The following UNC80 variants were observed in gnomAD, a reference collection of about 807,000 sequenced individuals.
UNC80 encodes protein unc-80 homolog.
A neutral mutation model predicts 384.6 loss-of-function variants in UNC80; 164 were observed. That is an observed-to-expected ratio of 0.43 (90% CI 0.38 to 0.49). UNC80 has a LOEUF of 0.49. Among genes scored for constraint, UNC80 ranks in the 20% least tolerant of loss-of-function variants. The probability of loss-of-function intolerance (pLI) is 0.00; values close to 1 mark genes in which losing one functional copy is unlikely to be tolerated. For synonymous variants in UNC80, 1,486 were observed against 1,527.8 expected, an observed-to-expected ratio of 0.97 and a Z score of 0.64; for missense variants, 3,330 against 4,143.0, an observed-to-expected ratio of 0.80 and a Z score of 5.39.
At chr2:209,835,709 TTCTG>T (rs2081290207) in intron 18 of UNC80, among the ~76,000 whole-genome samples, 1 of 152,204 alleles carries the variant, frequency 6.6e-6, no homozygotes, top group African/African-American at 2.4e-5. Flanking sequence ...AGGTATACCA[TTCTG>T]CTTCCCCAAA....
chr2:209,924,060 A>G (rs1421275525), intron 35 of UNC80, among the ~76,000 whole-genome samples: 1 of 152,122 alleles, frequency 6.6e-6, no homozygotes, highest in Non-Finnish European at 1.5e-5. Context: ...TAAAACATTT[A>G]TAATAGCTGA....
At chr2:209,951,087 T>A (rs1339834932) in intron 47 of UNC80, among the ~76,000 whole-genome samples, 1 of 152,048 alleles carries the variant, frequency 6.6e-6, no homozygotes, top group African/African-American at 2.4e-5. Flanking sequence ...GTGGGAGGAT[T>A]GCTTGAGCCC....
chr2:209,878,149 A>G, intron 24 of UNC80, 60 bp downstream of exon 24: 3 of 1,420,506 alleles, frequency 2.1e-6, no homozygotes, highest in Middle Eastern at 2.0e-4. Flanking sequence ...CTTTAGGAGC[A>G]CTTAATACTT....
chr2:209,828,398 A>G (rs138484906), intron 14 of UNC80, among the ~76,000 whole-genome samples: 15 of 152,310 alleles, frequency 9.8e-5, no homozygotes, highest in Middle Eastern at 3.4e-3. Flanking sequence ...TAAAGGAAAA[A>G]TGAAAAATGT....
chr2:209,956,280 A>G (rs898096501), intron 48 of UNC80, among the ~76,000 whole-genome samples: 13 of 82 alleles, frequency 0.16, no homozygotes, highest in Non-Finnish European at 0.21. Flanking sequence ...AATTGGCTTC[A>G]CTGTATTTAC....
At chr2:209,773,028 TCA>T (rs2076670200) in intron 1 of UNC80, 64 bp from the exon 2 acceptor site, 2 of 1,294,990 alleles carry the variant, frequency 1.5e-6, no homozygotes, top group Admixed American at 1.9e-5. Flanking sequence ...GAAAAATACG[TCA>T]CAAGGATGCT....
At chr2:209,866,251 T>A (rs1264499619) in intron 22 of UNC80, among the ~76,000 whole-genome samples, 1 of 152,152 alleles carries the variant, frequency 6.6e-6, no homozygotes, top group East Asian at 1.9e-4. Flanking sequence ...TGATAACCTC[T>A]CTTTCATATT....
chr2:209,931,432 C>A (rs1223547454), intron 38 of UNC80, among the ~76,000 whole-genome samples: 3 of 144,144 alleles, frequency 2.1e-5, no homozygotes, highest in Non-Finnish European at 3.0e-5. Flanking sequence ...CAACTGTTGT[C>A]CTAGATGGAA....
At chr2:209,832,341 C>G (rs528430740) in intron 16 of UNC80, among the ~76,000 whole-genome samples, 5 of 152,134 alleles carry the variant, frequency 3.3e-5, no homozygotes, top group Admixed American at 2.0e-4. Flanking sequence ...TAATTACCAC[C>G]AAGAAGATTG....
chr2:209,837,147 G>A (rs539331432), intron 18 of UNC80, among the ~76,000 whole-genome samples: 8 of 152,272 alleles, frequency 5.3e-5, no homozygotes, highest in Non-Finnish European at 1.2e-4. Context: ...ACTCTGATGA[G>A]ATTTTAAGAA....
Position 209,829,241 on chromosome 2 carries a change from T to G in UNC80, c.2488T>G (p.Cys830Gly), listed in dbSNP as rs1208016510. ...HQVFRENAQN[C>G]LTKLYKLDKM... is the part of the protein sequence containing the mutation. ...TCTTCCTTCATTGCAGGCCCAGAAC[T>G]GCCTCACTAAGCTATACAAGCTAGA... Residue 830 changes from cysteine (C) to glycine (G), a missense_variant, in exon 15 of 65, where the codon TGC becomes GGC. Physicochemically the swap from Cys to Gly is radical, Grantham distance 159. Around this residue, in one of 8 missense-constraint regions of UNC80, gnomAD observed 937 missense variants for 1,026.8 expected, o/e 0.91. Coordinates refer to ENST00000673920, the MANE Select transcript of UNC80 (RefSeq NM_001371986.1). 6.4e-7 allele frequency: 1 copy of G among 1,551,268 alleles called. No homozygotes were observed. Among genetic ancestry groups the G allele is most frequent in the Admixed American group, 2.0e-5 (1 of 50,992 alleles).
chr2:209,870,557 C>CT (rs1267349895), intron 22 of UNC80, among the ~76,000 whole-genome samples: 4 of 152,106 alleles, frequency 2.6e-5, no homozygotes, highest in Non-Finnish European at 5.9e-5. Flanking sequence ...TAGTATCCAC[C>CT]TTTTGTTAAG....
intron 38 of UNC80, among the ~76,000 whole-genome samples, chr2:209,931,635 A>G (rs1431385525): frequency 6.6e-6 from 1 of 152,208 alleles, no homozygotes; most frequent in African/African-American, 2.4e-5. Context: ...GCAGACAAAT[A>G]GCCAAATTAA....
At chr2:209,952,688 A>G (rs2124992368) in intron 47 of UNC80, among the ~76,000 whole-genome samples, 1 of 152,328 alleles carries the variant, frequency 6.6e-6, no homozygotes, top group East Asian at 1.9e-4. Context: ...GTACCTCCAA[A>G]AGATATCTGC....
Position 209,813,732 on chromosome 2 carries a change from A to C in UNC80, c.1091A>C (p.Glu364Ala). 6.4e-7 allele frequency: 1 copy of C among 1,551,774 alleles called. No homozygotes were observed. Among genetic ancestry groups the C allele is most frequent in the Non-Finnish European group, 8.7e-7 (1 of 1,147,016 alleles). Residue 364 changes from glutamate to alanine, a missense_variant, in exon 8 of 65, where the codon GAA becomes GCA. By Grantham distance (107) the Glu-to-Ala change is moderately radical (BLOSUM62 -1). Around this residue, in one of 8 missense-constraint regions of UNC80, gnomAD observed 937 missense variants for 1,026.8 expected, o/e 0.91. Transcript: ENST00000673920. ...CTACAAAGGCTGCGACACATGTTGG[A>C]AGAGAAGCCAGAAAAGCCTCCGGAG... is the stretch of plus-strand genomic sequence containing the variant. ...YYLQRLRHMLEEKPEKPPEPD... is the reference protein window; with the variant it reads ...YYLQRLRHMLAEKPEKPPEPD...
chr2:209,842,513 T>C, intron 21 of UNC80, 67 bp downstream of exon 21: 1 of 1,105,642 alleles, frequency 9.0e-7, no homozygotes, highest in Non-Finnish European at 1.3e-6. Flanking sequence ...TTGATTAGAT[T>C]AAGTGGTCCA....
chr2:209,926,021 A>G (rs971933128), intron 35 of UNC80, among the ~76,000 whole-genome samples: 1 of 152,230 alleles, frequency 6.6e-6, no homozygotes, highest in Non-Finnish European at 1.5e-5. Flanking sequence ...TGCCTACTAA[A>G]TCTAACCTTT....
At position 209,976,137 on chromosome 2, in the gene UNC80, T is replaced by G; in HGVS notation, c.8606T>G (p.Val2869Gly). 2 of 1,551,446 alleles carry G rather than the reference T, an allele frequency of 1.3e-6. No homozygotes were observed. The highest frequency in any genetic ancestry group is 1.7e-6 in the Non-Finnish European group (2 of 1,146,864). The stretch of plus-strand genomic sequence containing the variant: ...TGTGAAGCGCTGAAGGTGATTCTCG[T>G]CTGCTTTGAGAGGCAGCTCGGAAGC... ...AAYLALKVIL[V>G]CFERQLGSQW... The change falls in exon 57 of 65, where the codon GTC (valine) becomes GGC (glycine). Residue 2869 changes from valine to glycine, a missense_variant. Physicochemically the swap from Val to Gly is moderately radical, Grantham distance 109. Transcript: ENST00000673920. This position sits in a 1 kb window ranked among gnomAD's most constrained non-coding sequence, Gnocchi z 4.3.
chr2:209,822,991 C>T (rs1327911177), intron 13 of UNC80, among the ~76,000 whole-genome samples: 3 of 152,066 alleles, frequency 2.0e-5, no homozygotes, highest in African/African-American at 7.2e-5. Flanking sequence ...GGGTCAAATG[C>T]CTTCTTTCTG....
Sources: gnomAD v4.1 joint callset for allele counts (sites outside exome capture counted in the v4.1 genomes callset) on GRCh38, gnomAD v4.1.1 for gene constraint, gnomAD v4.1.1 regional missense constraint, Gnocchi (gnomAD v3.1) non-coding constraint, MANE v1.5 for transcripts, NCBI Gene and HGNC (gene_info 2026-07-23, HGNC 2026-07-21) for gene names.